Variants in ERBB4 observed in about 807,000 individuals in gnomAD.
The protein encoded by ERBB4 is receptor tyrosine-protein kinase erbB-4.
Under a neutral mutation model 158.0 loss-of-function variants are expected in ERBB4, and 42 were observed. The observed-to-expected ratio is 0.27, with a 90% CI of 0.21 to 0.34. The LOEUF (loss-of-function observed/expected upper bound fraction) is 0.34, where lower values mean the gene tolerates loss of function less well. ERBB4 is among the 10% of genes least tolerant of loss of function. The pLI, the probability that ERBB4 is intolerant of heterozygous loss-of-function variation, is 1.00. For missense variants in ERBB4, 1,333 were observed against 1,624.1 expected (o/e 0.82, Z 3.08); for synonymous variants, 583 against 558.7 (o/e 1.04, Z -0.61).
At chr2:212,166,795 A>G (rs2081358902) in intron 1 of ERBB4, among the ~76,000 whole-genome samples, 1 of 152,100 alleles carries the variant, frequency 6.6e-6, no homozygotes, top group Non-Finnish European at 1.5e-5. Flanking sequence ...CCACACATCT[A>G]CAACCATCTG....
intron 12 of ERBB4, among the ~76,000 whole-genome samples, chr2:211,690,525 T>C (rs896652999): frequency 2.6e-5 from 4 of 152,256 alleles, no homozygotes; most frequent in Admixed American, 1.3e-4. Flanking sequence ...ACAATATCTA[T>C]TGGAAGAAAT....
chr2:211,916,210 C>A (rs148238483), intron 3 of ERBB4, among the ~76,000 whole-genome samples: 1 of 151,866 alleles, frequency 6.6e-6, no homozygotes, highest in African/African-American at 2.4e-5. Context: ...GACAGAGTCT[C>A]GCTCTGTCAC....
intron 2 of ERBB4, chr2:211,960,903 T>A (rs1416715464): frequency 2.0e-5 from 3 of 152,104 alleles, no homozygotes; most frequent in Non-Finnish European, 2.9e-5. Context: ...GTGAAAATAA[T>A]TTTAAAATAG....
At chr2:211,905,696 G>A (rs1339847291) in intron 3 of ERBB4, among the ~76,000 whole-genome samples, 3 of 120,380 alleles carry the variant, frequency 2.5e-5, no homozygotes, top group African/African-American at 6.0e-5. Flanking sequence ...ACATATATGT[G>A]TGTGTATGTG....
intron 3 of ERBB4, among the ~76,000 whole-genome samples, chr2:211,806,176 TA>T (rs1236845238): frequency 2.6e-5 from 4 of 151,608 alleles, no homozygotes; most frequent in Non-Finnish European, 5.9e-5. Flanking sequence ...TTCAGAATCT[TA>T]AAAAAAATGT....
chr2:212,082,180 G>GA (rs1184079576), intron 2 of ERBB4, among the ~76,000 whole-genome samples: 7 of 152,132 alleles, frequency 4.6e-5, no homozygotes, highest in Non-Finnish European at 7.4e-5. Context: ...CATTTATGTA[G>GA]AAAAACAGTG....
intron 1 of ERBB4, among the ~76,000 whole-genome samples, chr2:212,191,943 C>A (rs1205719452): frequency 1.0e-5 from 1 of 96,232 alleles, no homozygotes; most frequent in Non-Finnish European, 2.0e-5. Context: ...ATATATGATG[C>A]ATATGTTATA....
At chr2:212,350,130 A>G (rs1159898735) in intron 1 of ERBB4, among the ~76,000 whole-genome samples, 1 of 152,146 alleles carries the variant, frequency 6.6e-6, no homozygotes, top group Non-Finnish European at 1.5e-5. Flanking sequence ...TAGTTAGTGT[A>G]AGGCATTCCA....
intron 20 of ERBB4, among the ~76,000 whole-genome samples, chr2:211,534,487 C>G (rs1326459302): frequency 6.6e-6 from 1 of 152,082 alleles, no homozygotes; most frequent in Non-Finnish European, 1.5e-5. Context: ...TATAGGGCAT[C>G]ATTACATTTT....
chr2:211,889,779 T>C (rs1037390996), intron 3 of ERBB4, among the ~76,000 whole-genome samples: 1 of 151,866 alleles, frequency 6.6e-6, no homozygotes, highest in Non-Finnish European at 1.5e-5. Flanking sequence ...CAGGAGCCGA[T>C]GCGATCAACT....
chr2:212,402,644 C>T lies in ERBB4; in HGVS notation c.82+135805G>A, dbSNP rs778022022. ...TTCTGTGTATTATTTATTACAACTGCATGTGAATCTGCAATTATCTCTTAA... is the reference window on the plus strand; with the variant it reads ...TTCTGTGTATTATTTATTACAACTGTATGTGAATCTGCAATTATCTCTTAA... On this transcript the variant is annotated intron_variant, in intron 1 of 27. Coordinates refer to ENST00000342788, the MANE Select transcript of ERBB4 (RefSeq NM_005235.3). Among the ~76,000 whole-genome samples, 243 of 152,064 alleles carry T rather than the reference C, an allele frequency of 1.6e-3. 2 individuals carry two copies. Among genetic ancestry groups the T allele is most frequent in the Admixed American group, 4.9e-3 (75 of 15,232 alleles).
chr2:211,790,680 T>C (rs2076259703), intron 3 of ERBB4, among the ~76,000 whole-genome samples: 1 of 152,092 alleles, frequency 6.6e-6, no homozygotes, highest in Non-Finnish European at 1.5e-5. Flanking sequence ...ATGATACTTT[T>C]ATCATTCCTA....
chr2:212,179,279 T>C (rs1478859150), intron 1 of ERBB4, among the ~76,000 whole-genome samples: 1 of 151,566 alleles, frequency 6.6e-6, no homozygotes, highest in Non-Finnish European at 1.5e-5. Context: ...ACTTTTGTTA[T>C]TTTCATTTTC....
At chr2:212,331,874 T>C (rs2088193754) in intron 1 of ERBB4, among the ~76,000 whole-genome samples, 1 of 152,064 alleles carries the variant, frequency 6.6e-6, no homozygotes, top group African/African-American at 2.4e-5. Context: ...TAAACCAAAG[T>C]ACAGGCTGTA....
At chr2:212,068,612 T>C (rs1423211001) in intron 2 of ERBB4, among the ~76,000 whole-genome samples, 2 of 152,036 alleles carry the variant, frequency 1.3e-5, no homozygotes, top group African/African-American at 4.8e-5. Context: ...ATCAATTACT[T>C]TCCTATGGCT....
Position 212,284,356 on chromosome 2 carries a change from C to A in ERBB4, c.83-159453G>T, listed in dbSNP as rs546763572. Among the ~76,000 whole-genome samples the A allele has an allele frequency of 3.9e-5, 6 of 152,222 alleles. No individual in the cohort carries two copies. The East Asian group carries it at 7.8e-4, about 20-fold the overall frequency. ...TAATTAGCTCTTGATAGATCTGCTG[C>A]CCTGTTTCCACAAACATTTAATTCT... On this transcript the variant is annotated intron_variant, in intron 1 of 27. Transcript: ENST00000342788.
intron 20 of ERBB4, among the ~76,000 whole-genome samples, chr2:211,507,835 C>A (rs1159531051): frequency 1.3e-5 from 2 of 152,118 alleles, no homozygotes; most frequent in Non-Finnish European, 2.9e-5. Context: ...CACAACACAT[C>A]TACAACCATC....
At chr2:211,562,649 ATT>A (rs1248510089) in intron 19 of ERBB4, among the ~76,000 whole-genome samples, 1 of 151,774 alleles carries the variant, frequency 6.6e-6, no homozygotes. Context: ...TTAATAAGAT[ATT>A]TTGTTTCATA....
At chr2:212,455,388 C>T (rs1688235203) in intron 1 of ERBB4, among the ~76,000 whole-genome samples, 1 of 152,176 alleles carries the variant, frequency 6.6e-6, no homozygotes, top group South Asian at 2.1e-4. Context: ...TCAGTAGCAG[C>T]CTCTAGCCCT....
Sources: gnomAD v4.1 joint callset for allele counts (sites outside exome capture counted in the v4.1 genomes callset) on GRCh38, gnomAD v4.1.1 for gene constraint, MANE v1.5 for transcripts, NCBI Gene and HGNC (gene_info 2026-07-23, HGNC 2026-07-21) for gene names.